The following AFAP1 variants were observed in gnomAD, a reference collection of about 807,000 sequenced individuals.
AFAP1 encodes actin filament-associated protein 1.
Under a neutral mutation model 93.9 loss-of-function variants are expected in AFAP1, and 75 were observed. The observed-to-expected ratio is 0.80, with a 90% CI of 0.66 to 0.97. The LOEUF (loss-of-function observed/expected upper bound fraction) is 0.97, where lower values mean the gene tolerates loss of function less well. Ranked by LOEUF, AFAP1 falls within the 50% of genes least tolerant of loss-of-function variation. AFAP1 has a pLI of 0.00. For synonymous variants in AFAP1, 517 were observed against 430.7 expected (o/e 1.20, Z -2.48); for missense variants, 1,201 against 1,050.8 (o/e 1.14, Z -1.98).
Position 7,893,965 on chromosome 4 carries a change from G to A in AFAP1, c.-2-21885C>T, listed in dbSNP as rs115200064. Among the ~76,000 whole-genome samples, 131 of 152,310 alleles carry A rather than the reference G, an allele frequency of 8.6e-4. 1 individual carries two copies. The Middle Eastern group carries it at 0.017, about 20-fold the overall frequency. ...ACCCACAGCCTCAGCGAGCCCTGGAGGCTTCAACAGAGGCTGAGTTCAAAT... is the reference window on the plus strand; with the variant it reads ...ACCCACAGCCTCAGCGAGCCCTGGAAGCTTCAACAGAGGCTGAGTTCAAAT... On this transcript the variant is annotated intron_variant, in intron 1 of 17. Coordinates refer to ENST00000420658, the MANE Select transcript of AFAP1 (RefSeq NM_001134647.2).
intron 11 of AFAP1, among the ~76,000 whole-genome samples, chr4:7,788,292 G>T (rs1477117688): frequency 6.6e-6 from 1 of 152,252 alleles, no homozygotes; most frequent in Non-Finnish European, 1.5e-5. Context: ...TGAAAACCGG[G>T]GAGAGAAACA....
rs1194689940 is a variant in AFAP1, at chr4:7,761,914, A to C, written c.*1851T>G. 6.6e-6 allele frequency: 1 copy of C among 152,308 alleles called. No individual in the cohort carries two copies. Among genetic ancestry groups the C allele is most frequent in the Non-Finnish European group, 1.5e-5 (1 of 68,162 alleles). 9.4% of individuals were successfully genotyped at this position (152,308 alleles called of 1,614,324 possible). On this transcript the variant is annotated 3_prime_UTR_variant, in exon 18 of 18. Transcript: ENST00000420658. ...CCCGCCCGACCTGCCTGGATGTCCTAGTGGGAAGCTGGCGTCACGGATGCT... is the reference window on the plus strand; with the variant it reads ...CCCGCCCGACCTGCCTGGATGTCCTCGTGGGAAGCTGGCGTCACGGATGCT...
intron 6 of AFAP1, among the ~76,000 whole-genome samples, chr4:7,823,948 A>G (rs1271883111): frequency 1.3e-5 from 2 of 152,246 alleles, no homozygotes; most frequent in Admixed American, 1.3e-4. Context: ...GAAGAAAGGC[A>G]TTGCTAAAAA....
At chr4:7,834,128 C>CACACACACATATATAT (rs756961714) in intron 6 of AFAP1, among the ~76,000 whole-genome samples, 1 of 119,426 alleles carries the variant, frequency 8.4e-6, no homozygotes, top group African/African-American at 3.9e-5. Flanking sequence ...CACACACACA[C>CACACACACATATATAT]ATATATACAA....
chr4:7,905,385 A>T (rs554233025), intron 1 of AFAP1, among the ~76,000 whole-genome samples: 24 of 152,348 alleles, frequency 1.6e-4, no homozygotes, highest in African/African-American at 5.8e-4. Flanking sequence ...TTTATAGAAA[A>T]ATCTATTCCA....
intron 16 of AFAP1, chr4:7,772,617 C>T (rs999811925): frequency 1.1e-5 from 6 of 568,114 alleles, no homozygotes; most frequent in South Asian, 2.4e-5. Context: ...AACATTTCAG[C>T]GAGAGGTGAG....
intron 1 of AFAP1, among the ~76,000 whole-genome samples, chr4:7,919,538 C>T (rs1331742628): frequency 1.3e-5 from 2 of 152,168 alleles, no homozygotes; most frequent in African/African-American, 2.4e-5. Context: ...ATACGAATAT[C>T]CAGCCCTAAG....
At chr4:7,836,502 A>T (rs1194839429) in intron 6 of AFAP1, among the ~76,000 whole-genome samples, 1 of 152,246 alleles carries the variant, frequency 6.6e-6, no homozygotes, top group Non-Finnish European at 1.5e-5. Context: ...GCTGGAGTAC[A>T]GTGGCGCAGT....
intron 3 of AFAP1, chr4:7,862,393 TGGGGGCGGGG>T (rs1213805497): frequency 7.9e-4 from 1 of 1,272 alleles, no homozygotes; most frequent in Non-Finnish European, 2.0e-3. Context: ...GGGCAGGAGT[TGGGGGCGGGG>T]GGGGGGGGGG....
chr4:7,766,433 G>A (rs1023539845), intron 17 of AFAP1, among the ~76,000 whole-genome samples: 4 of 152,306 alleles, frequency 2.6e-5, no homozygotes, highest in African/African-American at 9.6e-5. Flanking sequence ...TAGCAAACAA[G>A]CCGAGGAAAT....
chr4:7,820,701 T>C (rs1298670051), intron 6 of AFAP1, among the ~76,000 whole-genome samples: 1 of 152,110 alleles, frequency 6.6e-6, no homozygotes, highest in Non-Finnish European at 1.5e-5. Flanking sequence ...TTCCAAAGTG[T>C]TCCTTCTCCT....
At position 7,778,884 on chromosome 4, in the gene AFAP1, AATAAAC is replaced by A. The variant is rs748055210; in HGVS notation, c.1783-14_1783-9del. 75 of 1,574,094 alleles carry A rather than the reference AATAAAC, an allele frequency of 4.8e-5. No homozygotes were observed. The highest frequency in any genetic ancestry group is 1.2e-4 in the Admixed American group (7 of 59,204). ...GGGCTTTTTACCCTTGAGCTGTTGAAATAAACATATAAGAACATTAAAAATAAACAC... is the reference window on the plus strand; with the variant it reads ...GGGCTTTTTACCCTTGAGCTGTTGAAATATAAGAACATTAAAAATAAACAC... On this transcript the variant is annotated splice_polypyrimidine_tract_variant and intron_variant, in intron 13 of 17. Transcript: ENST00000420658.
intron 5 of AFAP1, chr4:7,842,878 G>C: frequency 2.2e-6 from 1 of 464,454 alleles, no homozygotes; most frequent in Non-Finnish European, 3.9e-6. Flanking sequence ...CACAGGCCCT[G>C]CCCGGGAATG....
At chr4:7,896,317 C>T (rs34317049) in intron 1 of AFAP1, among the ~76,000 whole-genome samples, 66,702 of 151,784 alleles carry the variant, frequency 0.44, 17,466 homozygotes, top group Non-Finnish European at 0.61. Flanking sequence ...AATGAGGACT[C>T]AGAAGTTACA....
intron 6 of AFAP1, among the ~76,000 whole-genome samples, chr4:7,836,734 C>A (rs1712345589): frequency 6.6e-6 from 1 of 152,050 alleles, no homozygotes; most frequent in African/African-American, 2.4e-5. Context: ...AGGCATGAGC[C>A]GCTGCGCCCA....
chr4:7,830,008 T>G (rs75549089), intron 6 of AFAP1, among the ~76,000 whole-genome samples: 3,851 of 152,242 alleles, frequency 0.025, 156 homozygotes, highest in African/African-American at 0.078. Flanking sequence ...TGAAGTATGG[T>G]CTATTCATAC....
intron 4 of AFAP1, among the ~76,000 whole-genome samples, chr4:7,854,557 A>G (rs1714828214): frequency 6.6e-6 from 1 of 152,226 alleles, no homozygotes; most frequent in African/African-American, 2.4e-5. Context: ...TCTGAAATGC[A>G]AAGTCTCTAT....
At chr4:7,887,904 A>G (rs28631205) in intron 1 of AFAP1, among the ~76,000 whole-genome samples, 67,531 of 151,772 alleles carry the variant, frequency 0.44, 17,195 homozygotes, top group Non-Finnish European at 0.6. Flanking sequence ...TCAGCTCACC[A>G]TAACCTCTGT....
intron 9 of AFAP1, among the ~76,000 whole-genome samples, chr4:7,804,680 A>G (rs558074048): frequency 6.6e-6 from 1 of 152,252 alleles, no homozygotes; most frequent in African/African-American, 2.4e-5. Context: ...CCACGTTTCC[A>G]TGTATTTATT....
Sources: gnomAD v4.1 joint callset for allele counts (sites outside exome capture counted in the v4.1 genomes callset) on GRCh38, gnomAD v4.1.1 for gene constraint, MANE v1.5 for transcripts, NCBI Gene and HGNC (gene_info 2026-07-23, HGNC 2026-07-21) for gene names.